Variants in ZC3H13 observed in about 807,000 individuals in gnomAD.
The protein encoded by ZC3H13 is zinc finger CCCH domain-containing protein 13.
Under a neutral mutation model 204.1 loss-of-function variants are expected in ZC3H13, and 64 were observed. That is an observed-to-expected ratio of 0.31 (90% CI 0.26 to 0.39). The LOEUF (loss-of-function observed/expected upper bound fraction) is 0.39, where lower values mean the gene tolerates loss of function less well. ZC3H13 is among the 10% of genes least tolerant of loss of function. The pLI, the probability that ZC3H13 is intolerant of heterozygous loss-of-function variation, is 1.00. For missense variants in ZC3H13, 1,833 were observed against 2,082.7 expected, an observed-to-expected ratio of 0.88 and a Z score of 2.33; for synonymous variants, 667 against 693.7, an observed-to-expected ratio of 0.96 and a Z score of 0.60.
Position 46,052,466 on chromosome 13 carries a change from G to A in ZC3H13, c.-72C>T, listed in dbSNP as rs1186403652. ...GCACCACCGCCGCCGCCGCTCCGAG[G>A]AGCGGGGGAGGCGACTCTGTCCCCG... is the stretch of plus-strand genomic sequence containing the variant. On this transcript the variant is annotated 5_prime_UTR_variant, in exon 1 of 19. Coordinates refer to ENST00000679008, the MANE Select transcript of ZC3H13 (RefSeq NM_001330564.2). 1.0e-5 allele frequency: 4 copies of A among 398,214 alleles called. No individual in the cohort carries two copies. The highest frequency in any genetic ancestry group is 1.8e-5 in the Non-Finnish European group (4 of 226,058). The allele number at this position is 398,214 out of a possible 1,614,324, so 24.7% of individuals were successfully genotyped here.
chr13:45,993,455 G>A (rs1431754818), intron 8 of ZC3H13, among the ~76,000 whole-genome samples: 1 of 152,144 alleles, frequency 6.6e-6, no homozygotes, highest in Non-Finnish European at 1.5e-5. Context: ...GGAGGTAGGA[G>A]GGATCTTGAT....
chr13:46,040,294 T>C (rs1162637637), intron 4 of ZC3H13, among the ~76,000 whole-genome samples: 1 of 152,202 alleles, frequency 6.6e-6, no homozygotes, highest in Non-Finnish European at 1.5e-5. Flanking sequence ...AACTTCTACA[T>C]AATTTAAGTG....
chr13:45,988,331 C>T (rs923125463), intron 9 of ZC3H13, among the ~76,000 whole-genome samples: 5 of 152,140 alleles, frequency 3.3e-5, no homozygotes, highest in African/African-American at 4.8e-5. Flanking sequence ...GATCTTGGCT[C>T]ACTGCAAGCT....
rs73480582 is a variant in ZC3H13, at chr13:46,045,630, T to G, written c.-9-114A>C. On this transcript the variant is annotated intron_variant, in intron 1 of 18. Transcript: ENST00000679008. The stretch of plus-strand genomic sequence containing the variant: ...GTAACAGTGTAAAATTACAGGAGAT[T>G]TTCCTTGGGAGATTAAAAAAAAAAA... 87 of 737,228 alleles carry G rather than the reference T, an allele frequency of 1.2e-4. No homozygotes were observed. In the African/African-American group the frequency reaches 1.4e-3, roughly 12 times the overall value. The allele number at this position is 737,228 out of a possible 1,614,324, so 45.7% of individuals were successfully genotyped here.
Position 45,985,629 on chromosome 13 carries a change from T to C in ZC3H13, c.1388A>G (p.Asp463Gly), listed in dbSNP as rs769893642. The stretch of plus-strand genomic sequence containing the variant: ...TCTTAGTTCCCTTCGGTCCCTAGTA[T>C]CTCTGGCATCTCTCCGATCCCGACC... ...RDGRDRRDAR[D>G]TRDRRELRDS... The change falls in exon 10 of 19, where the codon GAT becomes GGT. Residue 463 changes from aspartate to glycine, a missense_variant. By Grantham distance (94) the Asp-to-Gly change is moderately conservative (BLOSUM62 -1). Transcript: ENST00000679008. 1.9e-6 allele frequency: 3 copies of C among 1,613,966 alleles called. No individual in the cohort carries two copies. Among genetic ancestry groups the C allele is most frequent in the Non-Finnish European group, 8.5e-7 (1 of 1,179,986 alleles).
chr13:45,973,811 C>CATGTGTT (rs1952788835), intron 12 of ZC3H13, among the ~76,000 whole-genome samples: 1 of 152,108 alleles, frequency 6.6e-6, no homozygotes, highest in Non-Finnish European at 1.5e-5. Context: ...CCTGTGCCTC[C>CATGTGTT]ATGTGTTAAA....
intron 5 of ZC3H13, among the ~76,000 whole-genome samples, chr13:46,014,203 A>T (rs1321880448): frequency 2.6e-5 from 4 of 152,148 alleles, no homozygotes; most frequent in Non-Finnish European, 4.4e-5. Context: ...TCTGGGATAC[A>T]TGTGCTGAAT....
chr13:46,048,696 T>A (rs186972941), intron 1 of ZC3H13, among the ~76,000 whole-genome samples: 1 of 149,348 alleles, frequency 6.7e-6, no homozygotes, highest in Non-Finnish European at 1.5e-5. Flanking sequence ...CCTACGCCCA[T>A]ATTCTTTCCA....
intron 12 of ZC3H13, 84 bp downstream of exon 12, chr13:45,975,199 A>C: frequency 6.6e-7 from 1 of 1,507,924 alleles, no homozygotes; most frequent in Non-Finnish European, 8.9e-7. Flanking sequence ...CAGGAAATTA[A>C]GAGTATATTG....
intron 4 of ZC3H13, among the ~76,000 whole-genome samples, chr13:46,029,481 T>G (rs1243817198): frequency 2.1e-5 from 3 of 145,642 alleles, no homozygotes; most frequent in Non-Finnish European, 4.5e-5. Flanking sequence ...CAGGCTGGAG[T>G]GCAGTGGCGC....
chr13:45,981,215 T>C (rs949708186), intron 10 of ZC3H13, among the ~76,000 whole-genome samples: 1 of 152,216 alleles, frequency 6.6e-6, no homozygotes, highest in Non-Finnish European at 1.5e-5. Context: ...CTCATAGAAT[T>C]ACCATGGATA....
chr13:45,967,994 T>A lies in ZC3H13; in HGVS notation c.3831A>T (p.Arg1277Ser). Residue 1277 changes from arginine (R) to serine (S), a missense_variant, in exon 15 of 19, where the codon AGA (arginine) becomes AGT (serine). Arg to Ser is a moderately radical substitution (Grantham distance 110). Coordinates refer to ENST00000679008, the MANE Select transcript of ZC3H13 (RefSeq NM_001330564.2). Reference protein sequence around the residue: ...RQDSRSHSSRRSSPESDRQVH... With the variant: ...RQDSRSHSSRSSSPESDRQVH... ...CCTGTCGATCTGACTCTGGAGAACT[T>A]CTTCTTGAACTATGGCTTCTTGAAT... is the stretch of plus-strand genomic sequence containing the variant. 1 of 1,610,264 alleles carries A rather than the reference T, an allele frequency of 6.2e-7. No homozygotes were observed. Among genetic ancestry groups the A allele is most frequent in the Non-Finnish European group, 8.5e-7 (1 of 1,178,536 alleles).
intron 4 of ZC3H13, among the ~76,000 whole-genome samples, chr13:46,021,574 A>T (rs1007032924): frequency 3.3e-5 from 5 of 151,934 alleles, no homozygotes; most frequent in Admixed American, 1.3e-4. Context: ...GAACTCTAGT[A>T]TATATAACTG....
intron 1 of ZC3H13, among the ~76,000 whole-genome samples, chr13:46,046,785 G>C (rs2044000817): frequency 6.6e-6 from 1 of 151,966 alleles, no homozygotes; most frequent in Non-Finnish European, 1.5e-5. Context: ...AACTAGATTT[G>C]CAAGTATCAG....
chr13:45,969,512 T>C lies in ZC3H13; in HGVS notation c.3032A>G (p.Lys1011Arg). Residue 1011 changes from lysine to arginine, a missense_variant, in exon 14 of 19, where the codon AAA (lysine) becomes AGA (arginine). Transcript: ENST00000679008. ...KSIEKKRKKSKGDSDISDEEA... is the reference protein window; with the variant it reads ...KSIEKKRKKSRGDSDISDEEA... The stretch of plus-strand genomic sequence containing the variant: ...TTCATCAGAAATATCAGAATCACCT[T>C]TGGATTTTTTACGTTTTTTTTCAAT... 6.2e-7 allele frequency: 1 copy of C among 1,603,674 alleles called. No homozygotes were observed. Among genetic ancestry groups the C allele is most frequent in the Non-Finnish European group, 8.5e-7 (1 of 1,177,542 alleles).
chr13:46,040,276 C>A (rs1476872509), intron 4 of ZC3H13, among the ~76,000 whole-genome samples: 10 of 152,226 alleles, frequency 6.6e-5, no homozygotes, highest in African/African-American at 2.4e-4. Context: ...TCAAAAACAG[C>A]TGCAGAAAAC....
rs1951214814 is a variant in ZC3H13, at chr13:45,955,134, G to T, written c.*1993C>A. ...TTATGAGATAGATGACCTTTTAATTGTACTAGCAAACAATTTATAGACTGG... is the reference window on the plus strand; with the variant it reads ...TTATGAGATAGATGACCTTTTAATTTTACTAGCAAACAATTTATAGACTGG... On this transcript the variant is annotated 3_prime_UTR_variant, in exon 19 of 19. Coordinates refer to ENST00000679008, the MANE Select transcript of ZC3H13 (RefSeq NM_001330564.2). The T allele has an allele frequency of 6.6e-6, 1 of 152,082 alleles. No homozygotes were observed. Among genetic ancestry groups the T allele is most frequent in the Admixed American group, 6.5e-5 (1 of 15,276 alleles). 9.4% of individuals were successfully genotyped at this position (152,082 alleles called of 1,614,324 possible).
At chr13:45,978,440 G>T (rs1372233328) in intron 11 of ZC3H13, among the ~76,000 whole-genome samples, 2 of 151,998 alleles carry the variant, frequency 1.3e-5, no homozygotes. Context: ...CTGGTCAGAA[G>T]ACCTGAGTTT....
At chr13:46,050,682 C>T (rs1318045719) in intron 1 of ZC3H13, among the ~76,000 whole-genome samples, 1 of 152,084 alleles carries the variant, frequency 6.6e-6, no homozygotes, top group African/African-American at 2.4e-5. Flanking sequence ...CTTTCTAAAA[C>T]AAACTTTCAG....
Sources: allele counts gnomAD v4.1 joint callset (sites outside exome capture counted in the v4.1 genomes callset), GRCh38; gene constraint gnomAD v4.1.1; transcripts MANE v1.5; gene names NCBI Gene and HGNC (gene_info 2026-07-23, HGNC 2026-07-21).